The following CFAP251 variants were observed in gnomAD, a reference collection of about 807,000 sequenced individuals.
The protein encoded by CFAP251 is cilia- and flagella-associated protein 251.
CFAP251 carries 93 observed loss-of-function variants against 126.7 expected under a neutral mutation model. The observed-to-expected ratio is 0.73, with a 90% confidence interval of 0.62 to 0.87. The LOEUF (loss-of-function observed/expected upper bound fraction) is 0.87, where lower values mean the gene tolerates loss of function less well. Among genes scored for constraint, CFAP251 ranks in the 40% least tolerant of loss-of-function variants. CFAP251 has a pLI of 0.00. For missense variants in CFAP251, 1,287 were observed against 1,389.2 expected (o/e 0.93, Z 1.17); for synonymous variants, 503 against 506.9 (o/e 0.99, Z 0.10).
rs541110657 is a variant in CFAP251 at position 121,924,120 on chromosome 12, T to G, written c.747+130T>G. 66 of 1,198,332 alleles carry G rather than the reference T, an allele frequency of 5.5e-5. No individual in the cohort carries two copies. The African/African-American group carries it at 8.7e-4, about 16-fold the overall frequency. 74.2% of individuals were successfully genotyped at this position (1,198,332 alleles called of 1,614,324 possible). A position where few individuals can be genotyped will look rare whatever the true frequency, so the allele number is the denominator to read the frequency against. On this transcript the variant is annotated intron_variant, in intron 3 of 21. Transcript: ENST00000288912. ...TTTTAAACTAATAATAGACTTGTGT[T>G]TTTTTTTTTAAGACAGTCTTGCTTT... is the stretch of plus-strand genomic sequence containing the variant.
Position 122,003,797 on chromosome 12 carries a change from T to G in CFAP251, c.*33T>G. 1 of 1,556,632 alleles carries G rather than the reference T, an allele frequency of 6.4e-7. No individual in the cohort carries two copies. ...AGGAATGTTTAAAGCACAAAGGACT[T>G]TGGGTGTGTGTGCATGCACATGTGT... On this transcript the variant is annotated 3_prime_UTR_variant, in exon 22 of 22. Coordinates refer to ENST00000288912, the MANE Select transcript of CFAP251 (RefSeq NM_144668.6).
In CFAP251 at chr12:121,998,466, T is replaced by C. The variant is rs1289081522; in HGVS notation, c.3007-1250T>C. The C allele has an allele frequency of 2.1e-4, 13 of 62,664 alleles. 1 individual carries two copies. The highest frequency in any genetic ancestry group is 4.9e-4 in the Non-Finnish European group (13 of 26,606). 3.9% of individuals were successfully genotyped at this position (62,664 alleles called of 1,614,324 possible). A position where few individuals can be genotyped will look rare whatever the true frequency, so the allele number is the denominator to read the frequency against. On this transcript the variant is annotated intron_variant, in intron 19 of 21. Coordinates refer to ENST00000288912, the MANE Select transcript of CFAP251 (RefSeq NM_144668.6). ...ATATATATATATATATATATATATA[T>C]ATATATATATATATATATATATGAT... is the stretch of plus-strand genomic sequence containing the variant.
intron 7 of CFAP251, among the ~76,000 whole-genome samples, chr12:121,943,446 G>A (rs1483563903): frequency 6.6e-6 from 1 of 152,054 alleles, no homozygotes; most frequent in Non-Finnish European, 1.5e-5. Context: ...ACAGAGTTTC[G>A]CTCTTGTTGC....
intron 2 of CFAP251, 78 bp downstream of exon 2, chr12:121,921,761 A>AAC: frequency 7.0e-7 from 1 of 1,425,108 alleles, no homozygotes; most frequent in Non-Finnish European, 9.5e-7. Flanking sequence ...AGACTATGGG[A>AAC]ACACAAAACC....
intron 10 of CFAP251, chr12:121,956,067 A>T (rs1261100611): frequency 6.6e-6 from 1 of 152,216 alleles, no homozygotes; most frequent in Admixed American, 6.5e-5. Flanking sequence ...CGTGATTAGA[A>T]TTATGTCAAA....
rs917628057 is a variant in CFAP251, at chr12:121,954,128, C to T, written c.1329C>T (p.Asn443=). Residue 443 remains asparagine (N), a synonymous_variant, in exon 10 of 22, where the codon AAC becomes AAT. Coordinates refer to ENST00000288912, the MANE Select transcript of CFAP251 (RefSeq NM_144668.6). ...SAPLLTEKTF[N]KLVGKFSQSI... is the part of the protein sequence containing the mutation. ...CCTTTCTTTTGAAACAGACCTTCAACAAGCTTGTGGGAAAGTTTAGCCAGT... is the reference window on the plus strand; with the variant it reads ...CCTTTCTTTTGAAACAGACCTTCAATAAGCTTGTGGGAAAGTTTAGCCAGT... 2 of 1,613,896 alleles carry T rather than the reference C, an allele frequency of 1.2e-6. No homozygotes were observed. Among genetic ancestry groups the T allele is most frequent in the South Asian group, 1.1e-5 (1 of 91,030 alleles).
rs1377393270 is a variant in CFAP251 at position 121,970,694 on chromosome 12, G to T, written c.2771+2525G>T. Among the ~76,000 whole-genome samples the T allele has an allele frequency of 2.0e-5, 3 of 152,212 alleles. No homozygotes were observed. In the East Asian group the frequency reaches 5.8e-4, roughly 29 times the overall value. On this transcript the variant is annotated intron_variant, in intron 17 of 21. Transcript: ENST00000288912. ...TTAGAAACACAATTTAGGCAAAAGG[G>T]AATGTATGAGAAGGTCGTTGGGATC...
chr12:121,944,020 A>G (rs766705598), intron 7 of CFAP251, among the ~76,000 whole-genome samples: 11 of 152,152 alleles, frequency 7.2e-5, no homozygotes, highest in Non-Finnish European at 1.5e-4. Context: ...GGAAGTTATC[A>G]TTATTGCTCC....
At chr12:121,944,565 G>C (rs1376834615) in intron 7 of CFAP251, among the ~76,000 whole-genome samples, 1 of 152,142 alleles carries the variant, frequency 6.6e-6, no homozygotes, top group African/African-American at 2.4e-5. Context: ...TTTCAGGGGT[G>C]TTTTGTAATT....
At position 121,923,084 on chromosome 12, in the gene CFAP251, C is replaced by T. The variant is rs181646621; in HGVS notation, c.379-538C>T. Among the ~76,000 whole-genome samples the T allele has an allele frequency of 7.4e-4, 112 of 152,088 alleles. No homozygotes were observed. In the East Asian group the frequency reaches 0.013, roughly 18 times the overall value. ...TGCTGGGATTACAGGCGTGAACCAC[C>T]GTGCCTGGCTCTTTTCTTATCTTTT... On this transcript the variant is annotated intron_variant, in intron 2 of 21. Transcript: ENST00000288912.
intron 19 of CFAP251, among the ~76,000 whole-genome samples, chr12:121,987,936 C>T (rs1354349204): frequency 6.6e-6 from 1 of 152,010 alleles, no homozygotes. Flanking sequence ...TGGCATCCAA[C>T]ACTGGTTATT....
chr12:121,959,079 G>A lies in CFAP251; in HGVS notation c.2118G>A (p.Gln706=), dbSNP rs747033080. 1.2e-4 allele frequency: 194 copies of A among 1,598,538 alleles called. No homozygotes were observed. In the South Asian group the frequency reaches 1.9e-3, roughly 16 times the overall value. Reference sequence around the variant, plus strand: ...ATATAAGCTTTTCCCATGACTCCCAGTATATGGCAACTGCTGTAAGTATTT... The same window carrying A: ...ATATAAGCTTTTCCCATGACTCCCAATATATGGCAACTGCTGTAAGTATTT... ...VTHISFSHDS[Q]YMATADRSFT... is the part of the protein sequence containing the mutation. The change falls in exon 13 of 22, where the codon CAG becomes CAA. Residue 706 remains glutamine, a synonymous_variant. Transcript: ENST00000288912.
intron 15 of CFAP251, 41 bp downstream of exon 15, chr12:121,962,203 A>T (rs746383046): frequency 6.3e-7 from 1 of 1,585,886 alleles, no homozygotes; most frequent in Non-Finnish European, 8.6e-7. Context: ...GCGTGGATCA[A>T]GTTCTCTGCC....
In CFAP251 at chr12:121,993,768, C is replaced by T. The variant is rs1359902339; in HGVS notation, c.3007-5948C>T. The stretch of plus-strand genomic sequence containing the variant: ...CTGAGAAGTGAGGAGCCCCTCTGCC[C>T]GGCCAGCACCCCGTCCGGGAGGGAG... On this transcript the variant is annotated intron_variant, in intron 19 of 21. Transcript: ENST00000288912. 6.1e-5 allele frequency among the ~76,000 whole-genome samples: 9 copies of T among 148,672 alleles called. No individual in the cohort carries two copies. In the East Asian group the frequency reaches 6.1e-4, roughly 10 times the overall value.
intron 19 of CFAP251, among the ~76,000 whole-genome samples, chr12:121,993,978 G>T (rs1324379196): frequency 1.5e-4 from 12 of 81,056 alleles, no homozygotes; most frequent in South Asian, 3.9e-4. Flanking sequence ...GAGGTGGGGG[G>T]GTCAGCCCCC....
chr12:121,975,401 G>A, intron 18 of CFAP251, 67 bp downstream of exon 18: 2 of 1,572,480 alleles, frequency 1.3e-6, no homozygotes, highest in South Asian at 1.1e-5. Flanking sequence ...AATGTGCCCA[G>A]GGTTAACCTT....
chr12:121,931,902 C>T lies in CFAP251; in HGVS notation c.888+16C>T. On this transcript the variant is annotated intron_variant, in intron 4 of 21. Coordinates refer to ENST00000288912, the MANE Select transcript of CFAP251 (RefSeq NM_144668.6). ...CCACCTTCAGGTATGCAGGGATTTCCTTCCTACAGGTGGGGGAGTTGTCTT... is the reference window on the plus strand; with the variant it reads ...CCACCTTCAGGTATGCAGGGATTTCTTTCCTACAGGTGGGGGAGTTGTCTT... 1 of 1,523,448 alleles carries T rather than the reference C, an allele frequency of 6.6e-7. No homozygotes were observed. The highest frequency in any genetic ancestry group is 8.8e-7 in the Non-Finnish European group (1 of 1,136,320). The allele number at this position is 1,523,448 out of a possible 1,614,324, so 94.4% of individuals were successfully genotyped here.
At chr12:121,924,107 AAT>A in intron 3 of CFAP251, 117 bp downstream of exon 3, 2 of 1,290,572 alleles carry the variant, frequency 1.5e-6, no homozygotes, top group Admixed American at 5.2e-5. Context: ...TTAAACTAAT[AAT>A]AGACTTGTGT....
intron 5 of CFAP251, among the ~76,000 whole-genome samples, chr12:121,941,330 C>CTTTTTT (rs68005842): frequency 3.4e-5 from 3 of 87,694 alleles, no homozygotes; most frequent in African/African-American, 1.6e-4. Context: ...CCATGCTGGC[C>CTTTTTT]TTTTTTTTTT....
Sources: allele counts gnomAD v4.1 joint callset (sites outside exome capture counted in the v4.1 genomes callset), GRCh38; gene constraint gnomAD v4.1.1; transcripts MANE v1.5; gene names NCBI Gene and HGNC (gene_info 2026-07-23, HGNC 2026-07-21).